TBC1D22A: variants seen among roughly 807,000 people sequenced by gnomAD.
The protein encoded by TBC1D22A is putative GTPase activator.
In TBC1D22A, 38 loss-of-function variants were observed where a neutral mutation model predicts 60.2. The observed-to-expected ratio is 0.63, with a 90% CI of 0.49 to 0.83. The LOEUF is 0.83. TBC1D22A is among the 40% of genes least tolerant of loss of function. TBC1D22A has a pLI of 0.00. For missense variants in TBC1D22A, 628 were observed against 701.0 expected, an observed-to-expected ratio of 0.90 and a Z score of 1.18; for synonymous variants, 302 against 281.7, an observed-to-expected ratio of 1.07 and a Z score of -0.72.
At chr22:47,096,715 G>A (rs528319443) in intron 11 of TBC1D22A, among the ~76,000 whole-genome samples, 6 of 152,296 alleles carry the variant, frequency 3.9e-5, no homozygotes, top group African/African-American at 2.4e-5. Context: ...CCAGCTACTT[G>A]GGAGGCTGAG....
At chr22:47,078,094 C>A (rs2064303569) in intron 11 of TBC1D22A, among the ~76,000 whole-genome samples, 1 of 152,278 alleles carries the variant, frequency 6.6e-6, no homozygotes, top group African/African-American at 2.4e-5. Context: ...CATGCCAGGC[C>A]CATCCACGGA....
chr22:47,012,509 G>T (rs1049845745), intron 10 of TBC1D22A, among the ~76,000 whole-genome samples: 1 of 152,176 alleles, frequency 6.6e-6, no homozygotes, highest in Non-Finnish European at 1.5e-5. Context: ...TGGTGCTTTG[G>T]AAGAGGGGTA....
chr22:47,002,190 C>T (rs1482256680), intron 10 of TBC1D22A, among the ~76,000 whole-genome samples: 2 of 152,264 alleles, frequency 1.3e-5, no homozygotes, highest in Non-Finnish European at 2.9e-5. Flanking sequence ...GAGATTTCCA[C>T]TCCGTATTAC....
chr22:47,042,916 C>T (rs1350156203), intron 11 of TBC1D22A, among the ~76,000 whole-genome samples: 3 of 152,206 alleles, frequency 2.0e-5, no homozygotes, highest in Admixed American at 6.5e-5. Flanking sequence ...GTCAGAAGGT[C>T]GCTGGAGGTG....
At position 46,897,649 on chromosome 22, in the gene TBC1D22A, TG is replaced by T. The variant is rs770989531; in HGVS notation, c.900+2804del. ...TGTTTTGTTTCGTTTTGTTTTTTTT[TG>T]TGTTTTTTTTTTTTTTTTTAGTTCT... On this transcript the variant is annotated intron_variant, in intron 7 of 12. Transcript: ENST00000337137. Among the ~76,000 whole-genome samples, 183 of 104,974 alleles carry T rather than the reference TG, an allele frequency of 1.7e-3. 2 individuals carry two copies. Among genetic ancestry groups the T allele is most frequent in the African/African-American group, 5.6e-3 (132 of 23,624 alleles). The allele number at this position is 104,974 out of a possible 152,430, so 68.9% of individuals were successfully genotyped here. A position where few individuals can be genotyped will look rare whatever the true frequency, so the allele number is the denominator to read the frequency against.
At chr22:46,879,333 C>T (rs957182176) in intron 5 of TBC1D22A, among the ~76,000 whole-genome samples, 17 of 152,104 alleles carry the variant, frequency 1.1e-4, no homozygotes, top group Admixed American at 2.0e-4. Flanking sequence ...GCAATGCCCT[C>T]GTACACTTAG....
intron 7 of TBC1D22A, among the ~76,000 whole-genome samples, chr22:46,897,749 A>G (rs188296900): frequency 1.4e-5 from 2 of 141,408 alleles, no homozygotes; most frequent in Admixed American, 7.3e-5. Context: ...GTTTTATTAG[A>G]TTTATTCTTA....
chr22:46,809,345 G>A (rs1432272037), intron 4 of TBC1D22A, among the ~76,000 whole-genome samples: 1 of 152,126 alleles, frequency 6.6e-6, no homozygotes, highest in Non-Finnish European at 1.5e-5. Context: ...TTATCCTGTG[G>A]CTCAGGGCCC....
chr22:46,989,233 CTT>C (rs2074842331), intron 9 of TBC1D22A, among the ~76,000 whole-genome samples: 1 of 152,208 alleles, frequency 6.6e-6, no homozygotes, highest in African/African-American at 2.4e-5. Context: ...ACCGCTGAAA[CTT>C]TGTCCACATC....
chr22:47,055,397 A>C (rs2063359545), intron 11 of TBC1D22A, among the ~76,000 whole-genome samples: 1 of 152,136 alleles, frequency 6.6e-6, no homozygotes, highest in Non-Finnish European at 1.5e-5. Context: ...AGGGGAAGAG[A>C]TGGATGGATG....
chr22:47,112,272 G>A (rs2065878119), intron 12 of TBC1D22A, among the ~76,000 whole-genome samples: 1 of 152,218 alleles, frequency 6.6e-6, no homozygotes, highest in Non-Finnish European at 1.5e-5. Flanking sequence ...TCCCCAAGGT[G>A]CGGGCTGGGA....
intron 8 of TBC1D22A, among the ~76,000 whole-genome samples, chr22:46,973,266 C>G (rs192302179): frequency 6.6e-6 from 1 of 152,194 alleles, no homozygotes; most frequent in South Asian, 2.1e-4. Context: ...CCCCCCTCCC[C>G]ATGTGTACCA....
intron 4 of TBC1D22A, among the ~76,000 whole-genome samples, chr22:46,858,602 CT>C (rs2087696146): frequency 6.6e-6 from 1 of 152,210 alleles, no homozygotes; most frequent in African/African-American, 2.4e-5. Flanking sequence ...ATTTCTGATG[CT>C]TCCCCACCGA....
rs548477944 is a variant in TBC1D22A, at chr22:47,075,538, A to G, written c.1330-35970A>G. Among the ~76,000 whole-genome samples, 8 of 152,320 alleles carry G rather than the reference A, an allele frequency of 5.3e-5. 1 individual carries two copies. In the South Asian group the frequency reaches 1.5e-3, roughly 28 times the overall value. On this transcript the variant is annotated intron_variant, in intron 11 of 12. Coordinates refer to ENST00000337137, the MANE Select transcript of TBC1D22A (RefSeq NM_014346.5). ...CCCTCAGTGTTAAAGGGTGACCACTATAAATGAGTAGAAATATAATATACA... is the reference window on the plus strand; with the variant it reads ...CCCTCAGTGTTAAAGGGTGACCACTGTAAATGAGTAGAAATATAATATACA...
chr22:46,792,397 C>T (rs2084451846), intron 1 of TBC1D22A, 123 bp from the exon 2 acceptor site: 5 of 1,354,976 alleles, frequency 3.7e-6, no homozygotes, highest in African/African-American at 1.4e-5. Flanking sequence ...CTGCGACAGC[C>T]CATGAGGAGC....
rs565087769 is a variant in TBC1D22A, at chr22:46,964,468, T to C, written c.1016-9822T>C. Among the ~76,000 whole-genome samples, 4 of 152,216 alleles carry C rather than the reference T, an allele frequency of 2.6e-5. No individual in the cohort carries two copies. In the South Asian group the frequency reaches 6.2e-4, roughly 24 times the overall value. ...AGGCCCGTATATTCTTTTCAGTGGA[T>C]CATGTTTCTTTTTGTTGAGAAATTG... On this transcript the variant is annotated intron_variant, in intron 8 of 12. Transcript: ENST00000337137.
intron 11 of TBC1D22A, among the ~76,000 whole-genome samples, chr22:47,068,260 C>T (rs1007672075): frequency 6.6e-6 from 1 of 152,248 alleles, no homozygotes; most frequent in Admixed American, 6.5e-5. Context: ...GCCCCCAGGG[C>T]TCTTCCCTCC....
chr22:46,877,382 T>G (rs1388018227), intron 4 of TBC1D22A, among the ~76,000 whole-genome samples: 1 of 152,246 alleles, frequency 6.6e-6, no homozygotes, highest in East Asian at 1.9e-4. Flanking sequence ...CATTAACGAA[T>G]GAGTTTCCTC....
At chr22:46,929,033 G>C (rs969369339) in intron 8 of TBC1D22A, among the ~76,000 whole-genome samples, 3 of 152,118 alleles carry the variant, frequency 2.0e-5, no homozygotes, top group African/African-American at 7.2e-5. Context: ...AGATTGTAGT[G>C]GTGGTTACCC....
Sources: allele counts gnomAD v4.1 joint callset (sites outside exome capture counted in the v4.1 genomes callset), GRCh38; gene constraint gnomAD v4.1.1; transcripts MANE v1.5; gene names NCBI Gene and HGNC (gene_info 2026-07-23, HGNC 2026-07-21).